The following SDC2 variants were observed in gnomAD, a reference collection of about 807,000 sequenced individuals.
SDC2 encodes the protein syndecan-2.
Under a neutral mutation model 22.2 loss-of-function variants are expected in SDC2, and 13 were observed. The observed-to-expected ratio is 0.59, with a 90% CI of 0.38 to 0.93. The LOEUF is 0.93. Ranked by LOEUF, SDC2 falls within the 40% of genes least tolerant of loss-of-function variation. The pLI, the probability that SDC2 is intolerant of heterozygous loss-of-function variation, is 0.00. For synonymous variants in SDC2, 94 were observed against 92.8 expected (o/e 1.01, Z -0.07); for missense variants, 235 against 246.8 (o/e 0.95, Z 0.32).
chr8:96,581,527 G>A lies in SDC2; in HGVS notation c.61-11953G>A, dbSNP rs539128510. Reference sequence around the variant, plus strand: ...CATGCCTGTAATCCCAGCTACTTGAGAGGCTGAGACAGGAGAATCTCTTGA... The same window carrying A: ...CATGCCTGTAATCCCAGCTACTTGAAAGGCTGAGACAGGAGAATCTCTTGA... On this transcript the variant is annotated intron_variant, in intron 1 of 4. Coordinates refer to ENST00000302190, the MANE Select transcript of SDC2 (RefSeq NM_002998.4). 8.5e-5 allele frequency among the ~76,000 whole-genome samples: 13 copies of A among 152,208 alleles called. No individual in the cohort carries two copies. The South Asian group carries it at 2.7e-3, about 32-fold the overall frequency.
rs146987360 is a variant in SDC2 at position 96,580,408 on chromosome 8, C to T, written c.61-13072C>T. 4.1e-4 allele frequency: 403 copies of T among 985,396 alleles called. 3 individuals are homozygous for T. The African/African-American group carries it at 6.3e-3, about 15-fold the overall frequency. 61.0% of individuals were successfully genotyped at this position (985,396 alleles called of 1,614,324 possible). On this transcript the variant is annotated intron_variant, in intron 1 of 4. Coordinates refer to ENST00000302190, the MANE Select transcript of SDC2 (RefSeq NM_002998.4). ...TGTCCAGTCAAAGGGATAATGCAAC[C>T]GATAGCTCCCAAGCCTCCATATCCT...
intron 1 of SDC2, among the ~76,000 whole-genome samples, chr8:96,515,434 G>A (rs1206404448): frequency 6.6e-6 from 1 of 152,142 alleles, no homozygotes; most frequent in Non-Finnish European, 1.5e-5. Context: ...ACAGATAAGA[G>A]GATGGAGGTT....
intron 1 of SDC2, among the ~76,000 whole-genome samples, chr8:96,504,730 C>G (rs1339812120): frequency 6.6e-6 from 1 of 152,120 alleles, no homozygotes; most frequent in South Asian, 2.1e-4. Flanking sequence ...TCACTTGCAT[C>G]CTGACTCTTA....
At chr8:96,519,951 A>G (rs1813470877) in intron 1 of SDC2, among the ~76,000 whole-genome samples, 1 of 152,194 alleles carries the variant, frequency 6.6e-6, no homozygotes, top group Non-Finnish European at 1.5e-5. Context: ...TATAAAATTG[A>G]TGATATCAAC....
At chr8:96,525,231 ACTGG>A (rs1165132849) in intron 1 of SDC2, among the ~76,000 whole-genome samples, 4 of 152,184 alleles carry the variant, frequency 2.6e-5, no homozygotes, top group Non-Finnish European at 4.4e-5. Flanking sequence ...TAGGGCAGGA[ACTGG>A]CACTGTCTTG....
At chr8:96,517,217 G>A (rs1813414850) in intron 1 of SDC2, among the ~76,000 whole-genome samples, 2 of 152,136 alleles carry the variant, frequency 1.3e-5, no homozygotes, top group African/African-American at 2.4e-5. Flanking sequence ...ATGTGTTTTT[G>A]TGTTCTTAGC....
At position 96,611,685 on chromosome 8, in the gene SDC2, G is replaced by A. The variant is rs189955513; in HGVS notation, c.*2137G>A. ...GCTGGGAATATCCGTGCCAGGAAAAGAAAAATTTCTGGCAAATATTTTGTC... is the reference window on the plus strand; with the variant it reads ...GCTGGGAATATCCGTGCCAGGAAAAAAAAAATTTCTGGCAAATATTTTGTC... On this transcript the variant is annotated 3_prime_UTR_variant, in exon 5 of 5. Transcript: ENST00000302190. The A allele has an allele frequency of 1.3e-5, 2 of 152,600 alleles. No homozygotes were observed. The highest frequency in any genetic ancestry group is 4.8e-5 in the African/African-American group (2 of 41,446). 9.5% of individuals were successfully genotyped at this position (152,600 alleles called of 1,614,324 possible).
At chr8:96,543,234 G>A (rs938031532) in intron 1 of SDC2, among the ~76,000 whole-genome samples, 4 of 152,232 alleles carry the variant, frequency 2.6e-5, no homozygotes, top group African/African-American at 9.6e-5. Context: ...GTATTTTATG[G>A]CTAAAGACAA....
chr8:96,600,424 T>G (rs1378563119), intron 2 of SDC2, among the ~76,000 whole-genome samples: 1 of 152,176 alleles, frequency 6.6e-6, no homozygotes, highest in Non-Finnish European at 1.5e-5. Context: ...GCTATTCTAG[T>G]GAAAAGGCAA....
Position 96,516,553 on chromosome 8 carries a change from A to G in SDC2, c.60+22222A>G, listed in dbSNP as rs563533438. Among the ~76,000 whole-genome samples, 3 of 152,262 alleles carry G rather than the reference A, an allele frequency of 2.0e-5. No individual in the cohort carries two copies. In the South Asian group the frequency reaches 6.2e-4, roughly 32 times the overall value. On this transcript the variant is annotated intron_variant, in intron 1 of 4. Transcript: ENST00000302190. ...TTTTAATCACCCCCCCACCTCAAAAAAAAAAACCTGTACCCATTTGCAGTC... is the reference window on the plus strand; with the variant it reads ...TTTTAATCACCCCCCCACCTCAAAAGAAAAAACCTGTACCCATTTGCAGTC...
At chr8:96,541,078 C>G (rs918570797) in intron 1 of SDC2, among the ~76,000 whole-genome samples, 5 of 151,774 alleles carry the variant, frequency 3.3e-5, no homozygotes, top group African/African-American at 1.2e-4. Flanking sequence ...TATAGATAAA[C>G]AAAAATATTT....
chr8:96,566,665 T>A (rs1814303784), intron 1 of SDC2, among the ~76,000 whole-genome samples: 1 of 150,512 alleles, frequency 6.6e-6, no homozygotes, highest in African/African-American at 2.4e-5. Context: ...TTATTTTTAT[T>A]AAATAATTTT....
intron 1 of SDC2, among the ~76,000 whole-genome samples, chr8:96,523,555 T>C (rs1010963874): frequency 6.6e-6 from 1 of 151,942 alleles, no homozygotes; most frequent in Non-Finnish European, 1.5e-5. Context: ...TGTGGAAAGG[T>C]GATTAGTTTA....
intron 1 of SDC2, among the ~76,000 whole-genome samples, chr8:96,552,813 C>G (rs917331730): frequency 6.6e-6 from 1 of 152,164 alleles, no homozygotes; most frequent in Non-Finnish European, 1.5e-5. Context: ...AAAATGGTAT[C>G]TACTTCCCCT....
At chr8:96,553,779 T>G (rs570064170) in intron 1 of SDC2, among the ~76,000 whole-genome samples, 81 of 152,222 alleles carry the variant, frequency 5.3e-4, no homozygotes, top group African/African-American at 1.8e-3. Context: ...AAGATTTTTT[T>G]TTTTGTTTTG....
intron 1 of SDC2, among the ~76,000 whole-genome samples, chr8:96,500,610 C>T (rs983258986): frequency 7.2e-5 from 10 of 139,642 alleles, no homozygotes; most frequent in Non-Finnish European, 1.1e-4. Flanking sequence ...TGCAATGAGC[C>T]GAGATCATGC....
intron 1 of SDC2, among the ~76,000 whole-genome samples, chr8:96,565,443 T>C (rs1214093884): frequency 6.6e-6 from 1 of 152,182 alleles, no homozygotes; most frequent in Non-Finnish European, 1.5e-5. Flanking sequence ...AGGATCCATG[T>C]ACATCTTCAT....
At chr8:96,542,862 T>G (rs938008910) in intron 1 of SDC2, among the ~76,000 whole-genome samples, 2 of 152,216 alleles carry the variant, frequency 1.3e-5, no homozygotes, top group Non-Finnish European at 2.9e-5. Flanking sequence ...TTGCCTGGAT[T>G]AATTATTAAT....
rs998565955 is a variant in SDC2 at position 96,573,564 on chromosome 8, A to C, written c.61-19916A>C. Among the ~76,000 whole-genome samples the C allele has an allele frequency of 2.0e-5, 3 of 152,248 alleles. No individual in the cohort carries two copies. The East Asian group carries it at 5.8e-4, about 29-fold the overall frequency. ...AGCAGCGACTATTGTCATTTAAAGA[A>C]ATAAATCATCATATCCTCTCACTTA... On this transcript the variant is annotated intron_variant, in intron 1 of 4. Coordinates refer to ENST00000302190, the MANE Select transcript of SDC2 (RefSeq NM_002998.4).
Sources: gnomAD v4.1 joint callset for allele counts (sites outside exome capture counted in the v4.1 genomes callset) on GRCh38, gnomAD v4.1.1 for gene constraint, MANE v1.5 for transcripts, NCBI Gene and HGNC (gene_info 2026-07-23, HGNC 2026-07-21) for gene names.